The following PRKN variants were observed in gnomAD, a reference collection of about 807,000 sequenced individuals.
PRKN encodes parkin RBR E3 ubiquitin protein ligase.
PRKN carries 56 observed loss-of-function variants against 59.5 expected under a neutral mutation model. That is an observed-to-expected ratio of 0.94 (90% CI 0.76 to 1.18). The LOEUF (loss-of-function observed/expected upper bound fraction) is 1.18, where lower values mean the gene tolerates loss of function less well. Ranked by LOEUF, PRKN falls within the 50% of genes most tolerant of loss-of-function variation. The pLI is 0.00. For missense variants in PRKN, 657 were observed against 596.4 expected, an observed-to-expected ratio of 1.10 and a Z score of -1.06; for synonymous variants, 250 against 222.1, an observed-to-expected ratio of 1.13 and a Z score of -1.12.
Position 161,902,552 on chromosome 6 carries a change from A to ATCTATCTATCTATCTATCTAT in PRKN, c.734+70749_734+70750insATAGATAGATAGATAGATAGA, listed in dbSNP as rs1343265664. On this transcript the variant is annotated intron_variant, in intron 6 of 11. Transcript: ENST00000366898. ...TATCTATCTATCTATCTATCTATTT[A>ATCTATCTATCTATCTATCTAT]TTTATTTATTTATTTTTTTTTTTTT... 2.6e-4 allele frequency among the ~76,000 whole-genome samples: 31 copies of ATCTATCTATCTATCTATCTAT among 121,078 alleles called. No homozygotes were observed. In the East Asian group the frequency reaches 2.8e-3, roughly 11 times the overall value. 79.4% of individuals were successfully genotyped at this position (121,078 alleles called of 152,430 possible).
At chr6:162,489,553 A>G (rs1453154969) in intron 1 of PRKN, among the ~76,000 whole-genome samples, 1 of 152,164 alleles carries the variant, frequency 6.6e-6, no homozygotes, top group African/African-American at 2.4e-5. Context: ...TTGAGTCCCT[A>G]TTTTTACGCA....
intron 7 of PRKN, among the ~76,000 whole-genome samples, chr6:161,671,135 G>A (rs945941839): frequency 1.3e-5 from 2 of 152,104 alleles, no homozygotes; most frequent in African/African-American, 2.4e-5. Context: ...CTCTGAGCCC[G>A]GGCGCAGATG....
intron 3 of PRKN, among the ~76,000 whole-genome samples, chr6:162,243,753 G>A (rs114959161): frequency 2.0e-5 from 3 of 152,100 alleles, no homozygotes; most frequent in African/African-American, 4.8e-5. Context: ...ATCTCAGTGA[G>A]TTCTTAGGGA....
At chr6:161,991,465 C>A (rs961698757) in intron 5 of PRKN, among the ~76,000 whole-genome samples, 6 of 152,194 alleles carry the variant, frequency 3.9e-5, no homozygotes, top group Admixed American at 6.5e-5. Context: ...GGAAATAAGT[C>A]TTTACTCATT....
chr6:162,074,508 T>C (rs1298401136), intron 4 of PRKN, among the ~76,000 whole-genome samples: 1 of 151,236 alleles, frequency 6.6e-6, no homozygotes. Context: ...AGGGATAGCA[T>C]TGGGAGATAT....
intron 4 of PRKN, among the ~76,000 whole-genome samples, chr6:162,150,176 A>G (rs1435876020): frequency 2.0e-5 from 3 of 152,240 alleles, no homozygotes; most frequent in African/African-American, 4.8e-5. Flanking sequence ...GAGTAAATAC[A>G]GAAACAGATG....
chr6:161,903,441 C>T lies in PRKN; in HGVS notation c.734+69861G>A, dbSNP rs182144383. Among the ~76,000 whole-genome samples, 18 of 152,228 alleles carry T rather than the reference C, an allele frequency of 1.2e-4. No homozygotes were observed. The East Asian group carries it at 3.3e-3, about 28-fold the overall frequency. Reference sequence around the variant, plus strand: ...GACCAAGGAGACAGAAGTCAAACTTCGCGAAGGCAAAGAAAAGAGGGTGGG... The same window carrying T: ...GACCAAGGAGACAGAAGTCAAACTTTGCGAAGGCAAAGAAAAGAGGGTGGG... On this transcript the variant is annotated intron_variant, in intron 6 of 11. Transcript: ENST00000366898.
At chr6:161,749,692 T>C (rs958947066) in intron 7 of PRKN, among the ~76,000 whole-genome samples, 2 of 151,990 alleles carry the variant, frequency 1.3e-5, no homozygotes, top group Admixed American at 6.6e-5. Flanking sequence ...GAAGCTGTAG[T>C]GGGGAGGAGG....
intron 7 of PRKN, among the ~76,000 whole-genome samples, chr6:161,715,274 T>A (rs1786926211): frequency 6.6e-6 from 1 of 152,088 alleles, no homozygotes; most frequent in African/African-American, 2.4e-5. Flanking sequence ...ATAATTTGAA[T>A]CAGAGAATGG....
intron 3 of PRKN, among the ~76,000 whole-genome samples, chr6:162,258,466 G>A (rs778307135): frequency 2.3e-4 from 35 of 152,210 alleles, no homozygotes; most frequent in Non-Finnish European, 2.5e-4. Flanking sequence ...AATAACACAT[G>A]AAGGTAATTT....
chr6:161,967,755 C>T (rs1272693575), intron 6 of PRKN, among the ~76,000 whole-genome samples: 1 of 152,118 alleles, frequency 6.6e-6, no homozygotes, highest in Non-Finnish European at 1.5e-5. Flanking sequence ...GCTGCTTTTT[C>T]CCTAAGAGGT....
Position 161,369,425 on chromosome 6 carries a change from G to C in PRKN, c.1168-9220C>G, listed in dbSNP as rs1364840525. ...GCGATTCTCCCTTTGCGCCTGAAGA[G>C]GAACATGGTGAGCTGGGTAACTTAC... On this transcript the variant is annotated intron_variant, in intron 10 of 11. Coordinates refer to ENST00000366898, the MANE Select transcript of PRKN (RefSeq NM_004562.3). This position sits in a 1 kb window ranked among gnomAD's most constrained non-coding sequence, Gnocchi z 5.8. Among the ~76,000 whole-genome samples, 1 of 152,206 alleles carries C rather than the reference G, an allele frequency of 6.6e-6. No individual in the cohort carries two copies. Among genetic ancestry groups the C allele is most frequent in the African/African-American group, 2.4e-5 (1 of 41,450 alleles).
intron 7 of PRKN, among the ~76,000 whole-genome samples, chr6:161,667,409 A>G (rs186889412): frequency 3.3e-5 from 5 of 152,250 alleles, no homozygotes; most frequent in Admixed American, 6.5e-5. Flanking sequence ...CAAGCTTCGC[A>G]TGGCCAGGCT....
chr6:162,341,267 C>A (rs1257349927), intron 2 of PRKN, among the ~76,000 whole-genome samples: 1 of 152,028 alleles, frequency 6.6e-6, no homozygotes, highest in Non-Finnish European at 1.5e-5. Flanking sequence ...ACAGATGCTG[C>A]AGAGGATGTG....
intron 9 of PRKN, among the ~76,000 whole-genome samples, chr6:161,394,236 G>C (rs1360831704): frequency 6.6e-6 from 1 of 152,176 alleles, no homozygotes. Context: ...ATGGTGTGAG[G>C]CAATCTTAAA....
intron 1 of PRKN, among the ~76,000 whole-genome samples, chr6:162,567,525 T>C (rs113259040): frequency 2.0e-5 from 3 of 152,178 alleles, no homozygotes; most frequent in African/African-American, 7.2e-5. Context: ...CCATTTACAA[T>C]AGCCACACAT....
intron 1 of PRKN, among the ~76,000 whole-genome samples, chr6:162,651,130 T>A (rs1778416404): frequency 6.6e-6 from 1 of 152,134 alleles, no homozygotes; most frequent in African/African-American, 2.4e-5. Flanking sequence ...TTTGTTTGTT[T>A]GTTTGTTTGT....
chr6:161,521,177 A>C (rs575434220), intron 9 of PRKN, among the ~76,000 whole-genome samples: 1 of 151,730 alleles, frequency 6.6e-6, no homozygotes, highest in South Asian at 2.1e-4. Flanking sequence ...GGGTTGATGA[A>C]GCAGGAGACT....
chr6:161,723,968 C>G (rs1350363225), intron 7 of PRKN, among the ~76,000 whole-genome samples: 1 of 152,188 alleles, frequency 6.6e-6, no homozygotes, highest in Non-Finnish European at 1.5e-5. Flanking sequence ...ACCTACAGCT[C>G]CTTCCACTGT....
Sources: gnomAD v4.1 joint callset for allele counts (sites outside exome capture counted in the v4.1 genomes callset) on GRCh38, gnomAD v4.1.1 for gene constraint, Gnocchi (gnomAD v3.1) non-coding constraint, MANE v1.5 for transcripts, NCBI Gene and HGNC (gene_info 2026-07-23, HGNC 2026-07-21) for gene names.